Variants in GRK5 observed in about 807,000 individuals in gnomAD.
The protein encoded by GRK5 is g protein-coupled receptor kinase GRK5.
A neutral mutation model predicts 78.4 loss-of-function variants in GRK5; 40 were observed. The ratio of observed to expected loss-of-function variants is 0.51; its 90% CI spans 0.40 to 0.66. The LOEUF (loss-of-function observed/expected upper bound fraction) is 0.66. Among genes scored for constraint, GRK5 ranks in the 30% least tolerant of loss-of-function variants. GRK5 has a pLI of 0.00. For synonymous variants in GRK5, 289 were observed against 296.8 expected (o/e 0.97, Z 0.27); for missense variants, 598 against 759.9 (o/e 0.79, Z 2.50).
chr10:119,245,955 G>T (rs568584208), intron 1 of GRK5, among the ~76,000 whole-genome samples: 1 of 141,782 alleles, frequency 7.1e-6, no homozygotes, highest in Non-Finnish European at 1.5e-5. Flanking sequence ...GGGAGGCAGA[G>T]CCTGCAGTGA....
chr10:119,272,036 G>A (rs1428283653), intron 1 of GRK5, among the ~76,000 whole-genome samples: 2 of 152,190 alleles, frequency 1.3e-5, no homozygotes, highest in African/African-American at 4.8e-5. Context: ...ATAGAACCTG[G>A]ATTTCTGGCC....
chr10:119,269,302 T>C (rs1472688993), intron 1 of GRK5, among the ~76,000 whole-genome samples: 1 of 152,112 alleles, frequency 6.6e-6, no homozygotes, highest in African/African-American at 2.4e-5. Flanking sequence ...GTGGCCTACT[T>C]CCCGTGAGAA....
chr10:119,327,214 C>A (rs962161420), intron 2 of GRK5, among the ~76,000 whole-genome samples: 1 of 152,218 alleles, frequency 6.6e-6, no homozygotes, highest in Non-Finnish European at 1.5e-5. Flanking sequence ...ATCCAGCACA[C>A]ACACACCAGG....
intron 1 of GRK5, among the ~76,000 whole-genome samples, chr10:119,215,503 T>G (rs1251377733): frequency 2.9e-4 from 16 of 54,824 alleles, no homozygotes; most frequent in East Asian, 5.0e-4. Context: ...GGGAAGGGGG[T>G]GCGGAGAGTG....
At chr10:119,365,425 C>T (rs1428099510) in intron 2 of GRK5, among the ~76,000 whole-genome samples, 1 of 152,214 alleles carries the variant, frequency 6.6e-6, no homozygotes, top group East Asian at 1.9e-4. Context: ...TGGCATCGAT[C>T]ACAGGCCTTC....
chr10:119,387,398 CT>C (rs1851818401), intron 3 of GRK5, among the ~76,000 whole-genome samples: 1 of 152,120 alleles, frequency 6.6e-6, no homozygotes, highest in African/African-American at 2.4e-5. Flanking sequence ...GGCAGCAGAA[CT>C]GTTTGCGCGT....
At chr10:119,415,406 G>A (rs557880560) in intron 4 of GRK5, among the ~76,000 whole-genome samples, 3 of 152,184 alleles carry the variant, frequency 2.0e-5, no homozygotes, top group Non-Finnish European at 2.9e-5. Context: ...AGGTCGGGCA[G>A]GGTGTTGGGG....
At chr10:119,331,589 C>A (rs542813878) in intron 2 of GRK5, among the ~76,000 whole-genome samples, 1 of 152,364 alleles carries the variant, frequency 6.6e-6, no homozygotes, top group South Asian at 2.1e-4. Context: ...AGGCTTTGTG[C>A]CAAGGGGACA....
chr10:119,350,790 T>C (rs950382722), intron 2 of GRK5, among the ~76,000 whole-genome samples: 1 of 152,224 alleles, frequency 6.6e-6, no homozygotes, highest in African/African-American at 2.4e-5. Context: ...GACTCCTCTG[T>C]TGACAGTCTA....
intron 2 of GRK5, among the ~76,000 whole-genome samples, chr10:119,375,969 T>C (rs1851614634): frequency 6.6e-6 from 1 of 152,196 alleles, no homozygotes; most frequent in Admixed American, 6.5e-5. Flanking sequence ...CCCATTTTTG[T>C]CCCCTTTTCT....
chr10:119,230,732 G>A (rs551243140), intron 1 of GRK5, among the ~76,000 whole-genome samples: 1 of 151,578 alleles, frequency 6.6e-6, no homozygotes, highest in East Asian at 1.9e-4. Context: ...CAGCCACTTG[G>A]GGAGGACTGA....
chr10:119,315,084 G>A (rs1850462549), intron 1 of GRK5, among the ~76,000 whole-genome samples: 1 of 152,182 alleles, frequency 6.6e-6, no homozygotes, highest in South Asian at 2.1e-4. Context: ...GCGGCTCTGC[G>A]CCCTGTCCTG....
rs368104577 is a variant in GRK5 at position 119,306,154 on chromosome 10, CCT to C, written c.53-20357_53-20356del. On this transcript the variant is annotated intron_variant, in intron 1 of 15. Transcript: ENST00000392870. ...GGGGGAGCCTTTTGGATGAGTCAGT[CCT>C]CTCTGGTTGGAAACAGCAGAGTCTA... 3.9e-5 allele frequency among the ~76,000 whole-genome samples: 6 copies of C among 152,230 alleles called. No individual in the cohort carries two copies. The East Asian group carries it at 7.7e-4, about 20-fold the overall frequency.
chr10:119,442,901 G>C (rs7474610), intron 11 of GRK5, among the ~76,000 whole-genome samples: 340 of 152,270 alleles, frequency 2.2e-3, no homozygotes, highest in African/African-American at 7.8e-3. Context: ...TGGGCGGGTG[G>C]ATGGATGGTT....
intron 1 of GRK5, among the ~76,000 whole-genome samples, chr10:119,295,301 G>C (rs997805722): frequency 1.3e-5 from 2 of 151,882 alleles, no homozygotes; most frequent in Non-Finnish European, 2.9e-5. Flanking sequence ...CACTGGTCAG[G>C]ACACAGTTGG....
At chr10:119,380,743 T>A (rs546466549) in intron 2 of GRK5, 72 bp from the exon 3 acceptor site, 136 of 881,692 alleles carry the variant, frequency 1.5e-4, no homozygotes, top group South Asian at 7.6e-4. Flanking sequence ...TGAGCCCAGG[T>A]GTGGGAATGA....
At chr10:119,450,383 CAGTT>C (rs1853250532) in intron 13 of GRK5, among the ~76,000 whole-genome samples, 1 of 152,208 alleles carries the variant, frequency 6.6e-6, no homozygotes, top group African/African-American at 2.4e-5. Flanking sequence ...GCACACAAAA[CAGTT>C]GGTTGTTTCC....
intron 1 of GRK5, among the ~76,000 whole-genome samples, chr10:119,210,562 TTCAG>T (rs1366915858): frequency 3.3e-5 from 5 of 152,234 alleles, no homozygotes; most frequent in East Asian, 1.9e-4. Context: ...AAATGAAATC[TTCAG>T]TCAGTTTAGT....
chr10:119,452,942 AC>A lies in GRK5; in HGVS notation c.1542+135del. The A allele has an allele frequency of 8.6e-7, 1 of 1,161,388 alleles. No individual in the cohort carries two copies. The highest frequency in any genetic ancestry group is 1.4e-5 in the South Asian group (1 of 72,766). 71.9% of individuals were successfully genotyped at this position (1,161,388 alleles called of 1,614,324 possible). A position where few individuals can be genotyped will look rare whatever the true frequency, so the allele number is the denominator to read the frequency against. ...TCTGTTTTCTCCATGAAGGCAGCACACAAAAGCTGTCAGTGGCCAAGTAGGG... is the reference window on the plus strand; with the variant it reads ...TCTGTTTTCTCCATGAAGGCAGCACAAAAAGCTGTCAGTGGCCAAGTAGGG... On this transcript the variant is annotated intron_variant, in intron 14 of 15. Coordinates refer to ENST00000392870, the MANE Select transcript of GRK5 (RefSeq NM_005308.3). The surrounding 1 kb of genome is among the most constrained non-coding windows in gnomAD (Gnocchi z 4.4).
Sources: gnomAD v4.1 joint callset for allele counts (sites outside exome capture counted in the v4.1 genomes callset) on GRCh38, gnomAD v4.1.1 for gene constraint, Gnocchi (gnomAD v3.1) non-coding constraint, MANE v1.5 for transcripts, NCBI Gene and HGNC (gene_info 2026-07-23, HGNC 2026-07-21) for gene names.